Variants in BABAM2 observed in about 807,000 individuals in gnomAD.
BABAM2 encodes the protein BRISC and BRCA1 A complex member 2.
BABAM2 carries 31 observed loss-of-function variants against 54.7 expected under a neutral mutation model. That is an observed-to-expected ratio of 0.57 (90% CI 0.43 to 0.77). The LOEUF (loss-of-function observed/expected upper bound fraction) is 0.77. Among genes scored for constraint, BABAM2 ranks in the 30% least tolerant of loss-of-function variants. The pLI, the probability that BABAM2 is intolerant of heterozygous loss-of-function variation, is 0.00. For missense variants in BABAM2, 364 were observed against 455.8 expected, an observed-to-expected ratio of 0.80 and a Z score of 1.83; for synonymous variants, 167 against 162.9, an observed-to-expected ratio of 1.03 and a Z score of -0.19.
At chr2:28,182,817 T>G (rs1419694949) in intron 7 of BABAM2, among the ~76,000 whole-genome samples, 1 of 152,242 alleles carries the variant, frequency 6.6e-6, no homozygotes, top group Non-Finnish European at 1.5e-5. Context: ...AGTACCTTTT[T>G]TCATTATATT....
In BABAM2 at chr2:27,997,299, C is replaced by G. The variant is rs141512591; in HGVS notation, c.300+9212C>G. ...AAAGGATGCATCATCAGTAAATGAC[C>G]CAAGAGAATATGAGAAAATTACTAG... On this transcript the variant is annotated intron_variant, in intron 4 of 11. Coordinates refer to ENST00000379624, the MANE Select transcript of BABAM2 (RefSeq NM_199191.3). Among the ~76,000 whole-genome samples the G allele has an allele frequency of 6.3e-3, 956 of 152,058 alleles. 5 individuals are homozygous for G. The highest frequency in any genetic ancestry group is 7.8e-3 in the Non-Finnish European group (533 of 67,968).
rs540664923 is a variant in BABAM2 at position 27,915,247 on chromosome 2, A to G, written c.129-14585A>G. Among the ~76,000 whole-genome samples the G allele has an allele frequency of 1.6e-4, 25 of 152,288 alleles. 1 individual carries two copies. The South Asian group carries it at 5.0e-3, about 30-fold the overall frequency. On this transcript the variant is annotated intron_variant, in intron 2 of 11. Coordinates refer to ENST00000379624, the MANE Select transcript of BABAM2 (RefSeq NM_199191.3). ...ATTGCCCCAGTGAAGTAAAGGGTTT[A>G]AGGAAAATAGTGTTTGAGATAGACT...
chr2:28,006,754 A>G (rs1171936382), intron 4 of BABAM2, among the ~76,000 whole-genome samples: 1 of 152,038 alleles, frequency 6.6e-6, no homozygotes, highest in Non-Finnish European at 1.5e-5. Flanking sequence ...CACTTGAAGG[A>G]TTAAGGAATT....
chr2:28,314,680 G>T (rs1203851389), intron 11 of BABAM2, among the ~76,000 whole-genome samples: 1 of 152,194 alleles, frequency 6.6e-6, no homozygotes, highest in South Asian at 2.1e-4. Flanking sequence ...CCCTGCTTTC[G>T]GTGAACTAGA....
At chr2:28,160,616 G>C (rs1672980887) in intron 7 of BABAM2, among the ~76,000 whole-genome samples, 1 of 150,694 alleles carries the variant, frequency 6.6e-6, no homozygotes. Flanking sequence ...CCCATGGGCG[G>C]TACTTCCTAA....
At chr2:27,904,725 A>G (rs1666071061) in intron 2 of BABAM2, among the ~76,000 whole-genome samples, 2 of 152,204 alleles carry the variant, frequency 1.3e-5, no homozygotes, top group Non-Finnish European at 2.9e-5. Context: ...AACTATGACA[A>G]TATGTCTGTT....
chr2:28,199,746 T>C (rs1211153044), intron 7 of BABAM2, among the ~76,000 whole-genome samples: 1 of 152,090 alleles, frequency 6.6e-6, no homozygotes, highest in Non-Finnish European at 1.5e-5. Flanking sequence ...AAGGCAGCGG[T>C]GGGCAGCAGT....
At chr2:28,010,460 C>G (rs1003818863) in intron 4 of BABAM2, among the ~76,000 whole-genome samples, 4 of 152,052 alleles carry the variant, frequency 2.6e-5, no homozygotes, top group African/African-American at 9.7e-5. Flanking sequence ...GCAGAAAACC[C>G]AAACCAAATC....
chr2:27,912,241 CTTA>C (rs1475732183), intron 2 of BABAM2, among the ~76,000 whole-genome samples: 3 of 151,802 alleles, frequency 2.0e-5, no homozygotes, highest in African/African-American at 7.3e-5. Flanking sequence ...TCGCAGACTC[CTTA>C]TTCTTTTTTT....
chr2:28,082,135 A>G (rs1438974216), intron 6 of BABAM2, among the ~76,000 whole-genome samples: 3 of 152,334 alleles, frequency 2.0e-5, no homozygotes, highest in African/African-American at 7.2e-5. Flanking sequence ...CATGCACAGA[A>G]GAACAAGCCA....
intron 10 of BABAM2, among the ~76,000 whole-genome samples, chr2:28,280,661 G>T (rs746914121): frequency 1.3e-5 from 2 of 152,162 alleles, no homozygotes; most frequent in Non-Finnish European, 2.9e-5. Context: ...CCTGATCCGT[G>T]CTGGTGCCTA....
intron 6 of BABAM2, among the ~76,000 whole-genome samples, chr2:28,066,989 C>T (rs1663648359): frequency 6.6e-6 from 1 of 152,080 alleles, no homozygotes; most frequent in Admixed American, 6.6e-5. Context: ...CTCTTGTCGC[C>T]CAGGCTGGAG....
chr2:28,101,919 G>A (rs1470619268), intron 6 of BABAM2, among the ~76,000 whole-genome samples: 5 of 152,178 alleles, frequency 3.3e-5, no homozygotes, highest in African/African-American at 9.7e-5. Context: ...GCAGGGTTCA[G>A]GAATGTGTGT....
At chr2:27,998,807 C>A (rs1279418150) in intron 4 of BABAM2, among the ~76,000 whole-genome samples, 1 of 152,112 alleles carries the variant, frequency 6.6e-6, no homozygotes, top group Non-Finnish European at 1.5e-5. Context: ...TGTCTGTGAA[C>A]AAGGCTTTTA....
At chr2:28,114,741 G>T (rs1668462071) in intron 6 of BABAM2, among the ~76,000 whole-genome samples, 1 of 152,118 alleles carries the variant, frequency 6.6e-6, no homozygotes, top group Non-Finnish European at 1.5e-5. Flanking sequence ...TTGTTTTTCT[G>T]CACTCTAGGG....
intron 3 of BABAM2, among the ~76,000 whole-genome samples, chr2:27,938,353 A>C (rs1668635471): frequency 6.6e-6 from 1 of 151,864 alleles, no homozygotes; most frequent in Non-Finnish European, 1.5e-5. Flanking sequence ...AGTTTTACAG[A>C]CTCTTGGAAG....
intron 6 of BABAM2, among the ~76,000 whole-genome samples, chr2:28,097,337 T>C (rs1666715207): frequency 6.6e-6 from 1 of 152,202 alleles, no homozygotes; most frequent in Non-Finnish European, 1.5e-5. Context: ...GGTGGGCATG[T>C]GGGACTAGGA....
intron 7 of BABAM2, among the ~76,000 whole-genome samples, chr2:28,203,896 T>C (rs1057258237): frequency 2.0e-5 from 3 of 152,142 alleles, no homozygotes; most frequent in Non-Finnish European, 4.4e-5. Context: ...CCGGAAAGGC[T>C]GCGCCAGTTT....
chr2:28,178,846 T>G (rs1675309052), intron 7 of BABAM2, among the ~76,000 whole-genome samples: 1 of 151,768 alleles, frequency 6.6e-6, no homozygotes, highest in Non-Finnish European at 1.5e-5. Context: ...GATCATCAGA[T>G]TCTATTATGA....
Sources: allele counts gnomAD v4.1 joint callset (sites outside exome capture counted in the v4.1 genomes callset), GRCh38; gene constraint gnomAD v4.1.1; transcripts MANE v1.5; gene names NCBI Gene and HGNC (gene_info 2026-07-23, HGNC 2026-07-21).